ITGA11: variants seen among roughly 807,000 people sequenced by gnomAD.
ITGA11 encodes integrin subunit alpha 11.
In ITGA11, 97 loss-of-function variants were observed where a neutral mutation model predicts 141.9. The observed-to-expected ratio is 0.68, with a 90% CI of 0.58 to 0.81. ITGA11 has a LOEUF of 0.81. Ranked by LOEUF, ITGA11 falls within the 30% of genes least tolerant of loss-of-function variation. The pLI is 0.00. For missense variants in ITGA11, 1,387 were observed against 1,559.2 expected (o/e 0.89, Z 1.86); for synonymous variants, 658 against 624.6 (o/e 1.05, Z -0.80).
chr15:68,351,563 T>C (rs899397193), intron 7 of ITGA11, among the ~76,000 whole-genome samples, 161 bp from the exon 8 acceptor site: 1 of 152,202 alleles, frequency 6.6e-6, no homozygotes, highest in Non-Finnish European at 1.5e-5. Context: ...TGGATTGAGA[T>C]GGCCAGAGCT....
rs1478526926 is a variant in ITGA11 at position 68,308,106 on chromosome 15, T to C, written c.3175-410A>G. On this transcript the variant is annotated intron_variant, in intron 26 of 29. Coordinates refer to ENST00000315757, the MANE Select transcript of ITGA11 (RefSeq NM_001004439.2). The surrounding 1 kb of genome is among the most constrained non-coding windows in gnomAD (Gnocchi z 5.2). Reference sequence around the variant, plus strand: ...AAAAACTCCCAGGGAACTTCCTGAATCAGATAAAAGGGGTCTTCATAAAGT... The same window carrying C: ...AAAAACTCCCAGGGAACTTCCTGAACCAGATAAAAGGGGTCTTCATAAAGT... Among the ~76,000 whole-genome samples the C allele has an allele frequency of 6.6e-6, 1 of 152,208 alleles. No homozygotes were observed. Among genetic ancestry groups the C allele is most frequent in the Non-Finnish European group, 1.5e-5 (1 of 68,030 alleles).
intron 1 of ITGA11, among the ~76,000 whole-genome samples, chr15:68,414,453 G>A (rs1896842434): frequency 6.6e-6 from 1 of 152,220 alleles, no homozygotes; most frequent in Admixed American, 6.5e-5. Flanking sequence ...CCACTGTGGT[G>A]AGAACTAGTT....
At chr15:68,352,206 T>A (rs1387594115) in intron 7 of ITGA11, among the ~76,000 whole-genome samples, 4 of 150,032 alleles carry the variant, frequency 2.7e-5, no homozygotes, top group East Asian at 2.0e-4. Context: ...TTTTTTTTTT[T>A]AATTGAGACA....
chr15:68,410,594 A>G (rs1157731805), intron 1 of ITGA11, among the ~76,000 whole-genome samples: 1 of 152,214 alleles, frequency 6.6e-6, no homozygotes, highest in African/African-American at 2.4e-5. Context: ...GCTGTTTCGT[A>G]TCCTCTGCAT....
chr15:68,339,005 C>A (rs1894466920), intron 11 of ITGA11, among the ~76,000 whole-genome samples: 1 of 152,222 alleles, frequency 6.6e-6, no homozygotes, highest in African/African-American at 2.4e-5. Context: ...GCTGCTGGGA[C>A]CTTCACCATC....
intron 10 of ITGA11, among the ~76,000 whole-genome samples, chr15:68,341,402 C>T (rs1173033826): frequency 6.6e-6 from 1 of 152,214 alleles, no homozygotes; most frequent in South Asian, 2.1e-4. Context: ...GGCCCAGAGG[C>T]CCTGTGAAAT....
In ITGA11 at chr15:68,321,615, A is replaced by G. The variant is rs1893817063; in HGVS notation, c.2323-112T>C. On this transcript the variant is annotated intron_variant, in intron 18 of 29. Transcript: ENST00000315757. The surrounding 1 kb of genome is among the most constrained non-coding windows in gnomAD (Gnocchi z 4.9). ...ACTAGACATGGGCTGGCTTTCCTGC[A>G]CTGTCCCCAGACACCACACTGCTCT... 7 of 559,354 alleles carry G rather than the reference A, an allele frequency of 1.3e-5. No homozygotes were observed. The East Asian group carries it at 2.4e-4, about 19-fold the overall frequency. The allele number at this position is 559,354 out of a possible 1,614,324, so 34.6% of individuals were successfully genotyped here. A position where few individuals can be genotyped will look rare whatever the true frequency, so the allele number is the denominator to read the frequency against.
chr15:68,303,233 T>A lies in ITGA11; in HGVS notation c.3496-103A>T. ...TTCCTTGGGATTCCTCCCTCAGGGC[T>A]TCCTTGAGTACCCCCAGCTCATTCT... On this transcript the variant is annotated intron_variant, in intron 29 of 29. Transcript: ENST00000315757. The surrounding 1 kb of genome is among the most constrained non-coding windows in gnomAD (Gnocchi z 5.3). 1 of 955,828 alleles carries A rather than the reference T, an allele frequency of 1.0e-6. No homozygotes were observed. Among genetic ancestry groups the A allele is most frequent in the Non-Finnish European group, 1.6e-6 (1 of 624,256 alleles). 59.2% of individuals were successfully genotyped at this position (955,828 alleles called of 1,614,324 possible).
At chr15:68,362,380 G>A in intron 4 of ITGA11, among the ~76,000 whole-genome samples, 1 of 152,166 alleles carries the variant, frequency 6.6e-6, no homozygotes, top group East Asian at 1.9e-4. Context: ...TTTGGTTTAG[G>A]GGAGTAATTA....
chr15:68,432,036 AG>A lies in ITGA11; in HGVS notation c.30del (p.Trp11GlyfsTer68). The A allele has an allele frequency of 7.5e-7, 1 of 1,341,894 alleles. No individual in the cohort carries two copies. Among genetic ancestry groups the A allele is most frequent in the Non-Finnish European group, 9.6e-7 (1 of 1,044,430 alleles). 83.1% of individuals were successfully genotyped at this position (1,341,894 alleles called of 1,614,324 possible). MDLPRGLVV[A>X]WALSLWPGFT... Reference sequence around the variant, plus strand: ...CTACCTGGCCACAGGCTGAGCGCCCAGGCCACCACCAGGCCCCTGGGCAGGT... The same window carrying A: ...CTACCTGGCCACAGGCTGAGCGCCCAGCCACCACCAGGCCCCTGGGCAGGT... On this transcript the variant is annotated frameshift_variant, in exon 1 of 30. Coordinates refer to ENST00000315757, the MANE Select transcript of ITGA11 (RefSeq NM_001004439.2). LOFTEE classifies it high-confidence loss of function.
chr15:68,412,777 GC>G (rs1156769961), intron 1 of ITGA11, among the ~76,000 whole-genome samples: 1 of 142,802 alleles, frequency 7.0e-6, no homozygotes, highest in Non-Finnish European at 1.5e-5. Flanking sequence ...CCAGGTTCAA[GC>G]AATTCTCCTG....
At position 68,304,806 on chromosome 15, in the gene ITGA11, C is replaced by G. The variant is rs970638870; in HGVS notation, c.3382-921G>C. Among the ~76,000 whole-genome samples the G allele has an allele frequency of 6.6e-6, 1 of 152,234 alleles. No individual in the cohort carries two copies. Among genetic ancestry groups the G allele is most frequent in the Non-Finnish European group, 1.5e-5 (1 of 68,050 alleles). ...AGAAGCCATGTATCCATCACTGACC[C>G]TAACTCTCACACCCACACGGAGCCC... On this transcript the variant is annotated intron_variant, in intron 28 of 29. Transcript: ENST00000315757. The surrounding 1 kb of genome is among the most constrained non-coding windows in gnomAD (Gnocchi z 6.1).
At chr15:68,350,568 G>T in intron 9 of ITGA11, 49 bp downstream of exon 9, 1 of 1,553,602 alleles carries the variant, frequency 6.4e-7, no homozygotes, top group Admixed American at 1.8e-5. Flanking sequence ...GGGTTTACCT[G>T]ACATAAGCCC....
In ITGA11 at chr15:68,369,281, C is replaced by T; in HGVS notation, c.168G>A (p.Leu56=). The change falls in exon 3 of 30, where the codon CTG becomes CTA. Residue 56 remains leucine, a synonymous_variant. Coordinates refer to ENST00000315757, the MANE Select transcript of ITGA11 (RefSeq NM_001004439.2). ...TGGTTTCCAGTGGGGCGCCCACGAC[C>T]AGCCTGGGAAGGAAGAGAAGATGAG... ...QQHDISGNKW[L]VVGAPLETNG... is the part of the protein sequence containing the mutation. The T allele has an allele frequency of 6.2e-7, 1 of 1,612,460 alleles. No individual in the cohort carries two copies. The highest frequency in any genetic ancestry group is 8.5e-7 in the Non-Finnish European group (1 of 1,178,986).
chr15:68,427,381 A>G (rs1252911416), intron 1 of ITGA11, among the ~76,000 whole-genome samples: 1 of 152,176 alleles, frequency 6.6e-6, no homozygotes, highest in Non-Finnish European at 1.5e-5. Context: ...CCCATTTTAC[A>G]GTTGAGAAAA....
intron 2 of ITGA11, among the ~76,000 whole-genome samples, chr15:68,390,954 G>A (rs1461603643): frequency 6.6e-6 from 1 of 152,170 alleles, no homozygotes; most frequent in African/African-American, 2.4e-5. Flanking sequence ...CTGGGGTCAT[G>A]CTTAATAGTC....
chr15:68,298,807 T>C lies in ITGA11; in HGVS notation c.*4252A>G, dbSNP rs1394885288. On this transcript the variant is annotated 3_prime_UTR_variant, in exon 30 of 30. Coordinates refer to ENST00000315757, the MANE Select transcript of ITGA11 (RefSeq NM_001004439.2). ...CACATCACTAAGTTGTTGCACATCT[T>C]TTTTAATGCAGGGCCAGGGAGATAA... is the stretch of plus-strand genomic sequence containing the variant. The C allele has an allele frequency of 6.6e-6, 1 of 152,208 alleles. No homozygotes were observed. Among genetic ancestry groups the C allele is most frequent in the African/African-American group, 2.4e-5 (1 of 41,450 alleles). 9.4% of individuals were successfully genotyped at this position (152,208 alleles called of 1,614,324 possible).
At chr15:68,337,866 A>G (rs11632400) in intron 11 of ITGA11, among the ~76,000 whole-genome samples, 38,528 of 152,094 alleles carry the variant, frequency 0.25, 5,691 homozygotes, top group African/African-American at 0.41. Context: ...TGGGTCCTGA[A>G]ATAACCTGGT....
Position 68,351,280 on chromosome 15 carries a change from T to C in ITGA11, c.872A>G (p.Asn291Ser), listed in dbSNP as rs1433671380. The part of the protein sequence containing the change: ...EKVIQQSERD[N>S]VTRYAVAVLG... ...TACGGCCACCGCATATCTTGTTACG[T>C]TGTCTCTTTCGCTTTGCTGGATCAC... The change falls in exon 8 of 30, where the codon AAC (asparagine) becomes AGC (serine). Residue 291 changes from asparagine to serine, a missense_variant. Physicochemically the swap from Asn to Ser is conservative, Grantham distance 46 (BLOSUM62 1). Coordinates refer to ENST00000315757, the MANE Select transcript of ITGA11 (RefSeq NM_001004439.2). The C allele has an allele frequency of 3.1e-6, 5 of 1,613,998 alleles. No individual in the cohort carries two copies. Among genetic ancestry groups the C allele is most frequent in the Non-Finnish European group, 4.2e-6 (5 of 1,179,878 alleles).
Sources: gnomAD v4.1 joint callset for allele counts (sites outside exome capture counted in the v4.1 genomes callset) on GRCh38, gnomAD v4.1.1 for gene constraint, Gnocchi (gnomAD v3.1) non-coding constraint, MANE v1.5 for transcripts, NCBI Gene and HGNC (gene_info 2026-07-23, HGNC 2026-07-21) for gene names.